NCOA1: variants seen among roughly 807,000 people sequenced by gnomAD.
NCOA1 encodes the protein Hin-2 protein.
In NCOA1, 35 loss-of-function variants were observed where a neutral mutation model predicts 150.9. The observed-to-expected ratio is 0.23, with a 90% CI of 0.18 to 0.31. NCOA1 has a LOEUF of 0.31. NCOA1 is among the 10% of genes least tolerant of loss of function. NCOA1 has a pLI of 1.00. For synonymous variants in NCOA1, 590 were observed against 630.0 expected (o/e 0.94, Z 0.95); for missense variants, 1,491 against 1,749.3 (o/e 0.85, Z 2.63).
At chr2:24,708,290 G>A (rs532599967) in intron 13 of NCOA1, among the ~76,000 whole-genome samples, 2 of 152,272 alleles carry the variant, frequency 1.3e-5, no homozygotes, top group African/African-American at 4.8e-5. Context: ...GTAAGGAGAT[G>A]GACAAGGTTA....
At chr2:24,588,627 A>G (rs1156389032) in intron 3 of NCOA1, among the ~76,000 whole-genome samples, 1 of 152,196 alleles carries the variant, frequency 6.6e-6, no homozygotes, top group Non-Finnish European at 1.5e-5. Context: ...ACTTGTCTTT[A>G]GAGTTGTACT....
At chr2:24,537,542 G>C (rs1272820699) in intron 1 of NCOA1, among the ~76,000 whole-genome samples, 1 of 151,884 alleles carries the variant, frequency 6.6e-6, no homozygotes, top group Admixed American at 6.6e-5. Context: ...CACAGAGATA[G>C]AGAATGAAAC....
intron 1 of NCOA1, among the ~76,000 whole-genome samples, chr2:24,546,939 G>T (rs992926982): frequency 1.3e-5 from 2 of 152,140 alleles, no homozygotes; most frequent in Admixed American, 1.3e-4. Context: ...CCAGTCTTCT[G>T]GGTTCCTGCA....
intron 3 of NCOA1, among the ~76,000 whole-genome samples, chr2:24,605,798 T>A (rs1295688023): frequency 6.6e-6 from 1 of 152,200 alleles, no homozygotes; most frequent in Non-Finnish European, 1.5e-5. Flanking sequence ...GTAGAAGTAA[T>A]CTATGCCACT....
intron 4 of NCOA1, among the ~76,000 whole-genome samples, chr2:24,654,629 T>C (rs1017248500): frequency 6.6e-6 from 1 of 152,184 alleles, no homozygotes; most frequent in Non-Finnish European, 1.5e-5. Context: ...AGTCAAATCC[T>C]ATCATCCTTC....
rs754610857 is a variant in NCOA1, at chr2:24,728,470, T to G, written c.2880T>G (p.Leu960=). Residue 960 remains leucine, a synonymous_variant, in exon 16 of 23, where the codon CTT becomes CTG. Transcript: ENST00000348332. Reference sequence around the variant, plus strand: ...ACAGAGCTCTGGGAATTGACAAACTTGTTCAGGTATTTATTAAAGTCAACA... The same window carrying G: ...ACAGAGCTCTGGGAATTGACAAACTGGTTCAGGTATTTATTAAAGTCAACA... The part of the protein sequence containing the change: ...ELDRALGIDK[L]VQGGGLDVLS... 6.2e-7 allele frequency: 1 copy of G among 1,610,360 alleles called. No homozygotes were observed. The highest frequency in any genetic ancestry group is 1.1e-5 in the South Asian group (1 of 90,086).
intron 5 of NCOA1, among the ~76,000 whole-genome samples, chr2:24,659,356 A>C (rs889790169): frequency 6.6e-6 from 1 of 152,216 alleles, no homozygotes; most frequent in Admixed American, 6.5e-5. Context: ...TCAGGATTTT[A>C]AAAAATGATT....
At chr2:24,560,709 G>A (rs1666262166) in intron 1 of NCOA1, among the ~76,000 whole-genome samples, 2 of 152,038 alleles carry the variant, frequency 1.3e-5, no homozygotes, top group African/African-American at 4.8e-5. Context: ...ACTTTTTGCA[G>A]GCCCATTGAA....
intron 19 of NCOA1, among the ~76,000 whole-genome samples, chr2:24,742,582 G>A (rs1665919624): frequency 6.6e-6 from 1 of 151,314 alleles, no homozygotes; most frequent in Non-Finnish European, 1.5e-5. Flanking sequence ...TCAGCCTCCC[G>A]AGTAGCTAGG....
chr2:24,728,593 T>A, intron 16 of NCOA1, 117 bp downstream of exon 16: 1 of 817,498 alleles, frequency 1.2e-6, no homozygotes, highest in Non-Finnish European at 1.8e-6. Context: ...ATAATTTACC[T>A]CTTGTGAAAC....
intron 3 of NCOA1, among the ~76,000 whole-genome samples, chr2:24,591,071 T>C (rs1287404624): frequency 6.6e-6 from 1 of 152,224 alleles, no homozygotes; most frequent in East Asian, 1.9e-4. Flanking sequence ...TTATATCATA[T>C]GATCTATAAA....
rs13430023 is a variant in NCOA1 at position 24,745,094 on chromosome 2, T to C, written c.3706+2908T>C. On this transcript the variant is annotated intron_variant, in intron 19 of 22. Transcript: ENST00000348332. Reference sequence around the variant, plus strand: ...CTGAAAACAAGAAACTTTTCTAGACTACCATGCTATGATAATGAGTGTAAA... The same window carrying C: ...CTGAAAACAAGAAACTTTTCTAGACCACCATGCTATGATAATGAGTGTAAA... 6.3e-3 allele frequency among the ~76,000 whole-genome samples: 955 copies of C among 152,160 alleles called. 16 individuals carry two copies. The highest frequency in any genetic ancestry group is 0.022 in the African/African-American group (894 of 41,518).
At position 24,691,529 on chromosome 2, in the gene NCOA1, C is replaced by G; in HGVS notation, c.581C>G (p.Thr194Ser). The stretch of plus-strand genomic sequence containing the variant: ...GAGGCAACACGACGAAATAGCCATA[C>G]CTTTAACTGCAGGATGCTAATTCAC... The part of the protein sequence containing the change: ...PQEATRRNSH[T>S]FNCRMLIHPP... Residue 194 changes from threonine (T) to serine (S), a missense_variant, in exon 9 of 23, where the codon ACC (threonine) becomes AGC (serine). Physicochemically the swap from Thr to Ser is moderately conservative, Grantham distance 58. Coordinates refer to ENST00000348332, the MANE Select transcript of NCOA1 (RefSeq NM_003743.5). The G allele has an allele frequency of 6.2e-7, 1 of 1,614,092 alleles. No individual in the cohort carries two copies. Among genetic ancestry groups the G allele is most frequent in the South Asian group, 1.1e-5 (1 of 91,082 alleles).
intron 6 of NCOA1, among the ~76,000 whole-genome samples, chr2:24,667,181 A>G (rs1254958275): frequency 6.6e-6 from 1 of 152,202 alleles, no homozygotes; most frequent in Non-Finnish European, 1.5e-5. Flanking sequence ...GATTTAGCAA[A>G]CAGGAGAAAC....
intron 19 of NCOA1, among the ~76,000 whole-genome samples, chr2:24,742,930 G>C (rs1663685696): frequency 6.6e-6 from 1 of 152,220 alleles, no homozygotes; most frequent in Non-Finnish European, 1.5e-5. Context: ...AGCTGCTGCT[G>C]TTGCAGCTTC....
intron 3 of NCOA1, among the ~76,000 whole-genome samples, chr2:24,597,854 G>C (rs2148348898): frequency 6.6e-6 from 1 of 152,080 alleles, no homozygotes; most frequent in African/African-American, 2.4e-5. Flanking sequence ...ACGTATATAT[G>C]TGCCATATTG....
intron 3 of NCOA1, among the ~76,000 whole-genome samples, chr2:24,591,416 ATCTT>A (rs1400530498): frequency 6.6e-6 from 1 of 152,184 alleles, no homozygotes; most frequent in African/African-American, 2.4e-5. Context: ...AAAAAATTGT[ATCTT>A]TCTTATAGAT....
chr2:24,625,858 C>T (rs1308795560), intron 3 of NCOA1, among the ~76,000 whole-genome samples: 1 of 150,260 alleles, frequency 6.7e-6, no homozygotes, highest in African/African-American at 2.5e-5. Context: ...TAATTTATTT[C>T]AGTTGTGTTC....
At chr2:24,668,980 A>T (rs1306200985) in intron 6 of NCOA1, among the ~76,000 whole-genome samples, 1 of 152,222 alleles carries the variant, frequency 6.6e-6, no homozygotes, top group African/African-American at 2.4e-5. Flanking sequence ...GTATATTTAT[A>T]TGACCCTAGT....
Sources: gnomAD v4.1 joint callset for allele counts (sites outside exome capture counted in the v4.1 genomes callset) on GRCh38, gnomAD v4.1.1 for gene constraint, MANE v1.5 for transcripts, NCBI Gene and HGNC (gene_info 2026-07-23, HGNC 2026-07-21) for gene names.